Variants in CSMD1 observed in about 807,000 individuals in gnomAD.
CSMD1 encodes CUB and sushi domain-containing protein 1.
In CSMD1, 213 loss-of-function variants were observed where a neutral mutation model predicts 417.5. The ratio of observed to expected loss-of-function variants is 0.51; its 90% CI spans 0.46 to 0.57. The LOEUF (loss-of-function observed/expected upper bound fraction) is 0.57. Among genes scored for constraint, CSMD1 ranks in the 20% least tolerant of loss-of-function variants. CSMD1 has a pLI of 0.00. For missense variants in CSMD1, 6,923 were observed against 4,529.7 expected (o/e 1.53, Z -15.17); for synonymous variants, 2,862 against 1,736.8 (o/e 1.65, Z -16.11).
At chr8:3,915,405 C>CAAAA (rs778981187) in intron 5 of CSMD1, among the ~76,000 whole-genome samples, 2 of 76,278 alleles carry the variant, frequency 2.6e-5, no homozygotes, top group Non-Finnish European at 5.3e-5. Context: ...GACTCTGTCT[C>CAAAA]AAAAAAAAAA....
intron 49 of CSMD1, among the ~76,000 whole-genome samples, chr8:3,077,990 T>A (rs1158582963): frequency 6.6e-6 from 1 of 152,244 alleles, no homozygotes; most frequent in East Asian, 1.9e-4. Context: ...CTCCGTTTCC[T>A]TTATCCTCAC....
chr8:3,905,010 C>G (rs546049917), intron 5 of CSMD1, among the ~76,000 whole-genome samples: 2 of 152,042 alleles, frequency 1.3e-5, no homozygotes, highest in Admixed American at 1.3e-4. Flanking sequence ...ATATAGAATA[C>G]TCTTCAGCTA....
intron 5 of CSMD1, among the ~76,000 whole-genome samples, chr8:3,835,904 T>G (rs1467165283): frequency 6.6e-6 from 1 of 151,966 alleles, no homozygotes. Flanking sequence ...TGATAAGACT[T>G]TTTTCAACAT....
chr8:3,091,310 A>G (rs1449706039), intron 48 of CSMD1, among the ~76,000 whole-genome samples: 1 of 152,108 alleles, frequency 6.6e-6, no homozygotes, highest in African/African-American at 2.4e-5. Context: ...TTTAACAATA[A>G]AATTCTAAAT....
chr8:4,655,713 A>G (rs1804189414), intron 1 of CSMD1, among the ~76,000 whole-genome samples: 1 of 152,168 alleles, frequency 6.6e-6, no homozygotes, highest in African/African-American at 2.4e-5. Flanking sequence ...GGTGTTAACC[A>G]GAAAAATGAT....
intron 8 of CSMD1, among the ~76,000 whole-genome samples, chr8:3,605,395 G>A (rs1304681786): frequency 2.0e-5 from 3 of 152,196 alleles, no homozygotes; most frequent in African/African-American, 7.2e-5. Flanking sequence ...AGGTGCCTCT[G>A]CTCTCGCTGG....
rs189641731 is a variant in CSMD1, at chr8:4,880,378, T to A, written c.85+113954A>T. Among the ~76,000 whole-genome samples, 23 of 152,176 alleles carry A rather than the reference T, an allele frequency of 1.5e-4. No individual in the cohort carries two copies. In the East Asian group the frequency reaches 3.3e-3, roughly 22 times the overall value. ...CTTGACGTCTGAACACACAAACCACTTGTTTGCCTCCAAAAGAGAAGGCAT... is the reference window on the plus strand; with the variant it reads ...CTTGACGTCTGAACACACAAACCACATGTTTGCCTCCAAAAGAGAAGGCAT... On this transcript the variant is annotated intron_variant, in intron 1 of 69. Coordinates refer to ENST00000635120, the MANE Select transcript of CSMD1 (RefSeq NM_033225.6).
At chr8:4,356,771 C>G (rs983986745) in intron 3 of CSMD1, among the ~76,000 whole-genome samples, 1 of 152,142 alleles carries the variant, frequency 6.6e-6, no homozygotes, top group African/African-American at 2.4e-5. Flanking sequence ...GAACCGAGTT[C>G]TTCTCTCAAA....
intron 1 of CSMD1, among the ~76,000 whole-genome samples, chr8:4,969,799 A>G (rs889926497): frequency 2.6e-5 from 4 of 151,944 alleles, no homozygotes; most frequent in Admixed American, 2.6e-4. Context: ...CTTTAACACT[A>G]CCTAATTTAA....
rs1480964324 is a variant in CSMD1 at position 3,467,892 on chromosome 8, G to C, written c.1561+820C>G. ...CCTATGGTATACACTTGGGAAATAA[G>C]AACATACTGCCTATTTACTCAAATT... On this transcript the variant is annotated intron_variant, in intron 12 of 69. Transcript: ENST00000635120. Among the ~76,000 whole-genome samples, 9 of 152,168 alleles carry C rather than the reference G, an allele frequency of 5.9e-5. No homozygotes were observed. The East Asian group carries it at 1.7e-3, about 29-fold the overall frequency.
chr8:3,974,603 G>C (rs1020067683), intron 5 of CSMD1, among the ~76,000 whole-genome samples: 2 of 151,466 alleles, frequency 1.3e-5, no homozygotes, highest in Non-Finnish European at 2.9e-5. Context: ...AACAACCCTT[G>C]TTTTTACTAA....
At chr8:4,187,487 T>C (rs532972506) in intron 3 of CSMD1, among the ~76,000 whole-genome samples, 11 of 151,982 alleles carry the variant, frequency 7.2e-5, no homozygotes, top group African/African-American at 1.9e-4. Context: ...CTACTAAAAA[T>C]ACAAAAAATC....
chr8:3,370,619 A>C (rs982287615), intron 18 of CSMD1, among the ~76,000 whole-genome samples: 18 of 152,170 alleles, frequency 1.2e-4, no homozygotes, highest in African/African-American at 4.1e-4. Context: ...CTGAGTGAAG[A>C]TTTGCTTTCA....
At chr8:3,265,116 G>A (rs1485244832) in intron 26 of CSMD1, among the ~76,000 whole-genome samples, 3 of 152,102 alleles carry the variant, frequency 2.0e-5, no homozygotes, top group African/African-American at 7.2e-5. Flanking sequence ...CCATGTTAAG[G>A]ATTGTCACTA....
chr8:3,773,238 C>A (rs1401385618), intron 5 of CSMD1, among the ~76,000 whole-genome samples: 1 of 152,162 alleles, frequency 6.6e-6, no homozygotes, highest in Non-Finnish European at 1.5e-5. Flanking sequence ...AAGTGTGAAA[C>A]TAGCTTGTGT....
chr8:4,179,637 A>G (rs1798245316), intron 3 of CSMD1, among the ~76,000 whole-genome samples: 1 of 152,108 alleles, frequency 6.6e-6, no homozygotes, highest in Non-Finnish European at 1.5e-5. Context: ...CAGAGTGAAC[A>G]GGCAACCTAC....
chr8:3,681,898 C>G (rs1165004643), intron 7 of CSMD1, among the ~76,000 whole-genome samples: 1 of 152,164 alleles, frequency 6.6e-6, no homozygotes, highest in Non-Finnish European at 1.5e-5. Context: ...ACATCTACGA[C>G]TATCTGATCT....
chr8:4,809,639 T>C (rs1054562217), intron 1 of CSMD1, among the ~76,000 whole-genome samples: 3 of 152,346 alleles, frequency 2.0e-5, no homozygotes, highest in South Asian at 2.1e-4. Context: ...AAGCCACATA[T>C]GTAATTTTAA....
chr8:3,861,749 G>T (rs374026303), intron 5 of CSMD1, among the ~76,000 whole-genome samples: 1 of 152,274 alleles, frequency 6.6e-6, no homozygotes, highest in Non-Finnish European at 1.5e-5. Flanking sequence ...TTTACCAAAA[G>T]AAATATCCTA....
Sources: allele counts gnomAD v4.1 joint callset (sites outside exome capture counted in the v4.1 genomes callset), GRCh38; gene constraint gnomAD v4.1.1; transcripts MANE v1.5; gene names NCBI Gene and HGNC (gene_info 2026-07-23, HGNC 2026-07-21).